The following ABCA13 variants were observed in gnomAD, a reference collection of about 807,000 sequenced individuals.
ABCA13 encodes the protein ATP-binding cassette sub-family A member 13.
A neutral mutation model predicts 478.7 loss-of-function variants in ABCA13; 476 were observed. The ratio of observed to expected loss-of-function variants is 0.99; its 90% CI spans 0.92 to 1.07. The LOEUF is 1.07. ABCA13 is among the 50% of genes least tolerant of loss of function. The pLI, the probability that ABCA13 is intolerant of heterozygous loss-of-function variation, is 0.00. For missense variants in ABCA13, 6,060 were observed against 5,910.6 expected, an observed-to-expected ratio of 1.03 and a Z score of -0.83; for synonymous variants, 2,252 against 2,158.9, an observed-to-expected ratio of 1.04 and a Z score of -1.20.
At chr7:48,266,304 C>G (rs1584512428) in intron 15 of ABCA13, among the ~76,000 whole-genome samples, 1 of 151,518 alleles carries the variant, frequency 6.6e-6, no homozygotes, top group East Asian at 1.9e-4. Flanking sequence ...GAAGTATTCT[C>G]TTATTTTCAA....
intron 42 of ABCA13, among the ~76,000 whole-genome samples, chr7:48,452,861 A>C (rs1001318366): frequency 6.6e-6 from 1 of 152,244 alleles, no homozygotes; most frequent in Non-Finnish European, 1.5e-5. Context: ...ATGGGCACCC[A>C]AAAACATCCC....
At chr7:48,271,299 T>C (rs1029583355) in intron 16 of ABCA13, among the ~76,000 whole-genome samples, 1 of 152,176 alleles carries the variant, frequency 6.6e-6, no homozygotes, top group Non-Finnish European at 1.5e-5. Context: ...TATATAATAA[T>C]GAGTTTCTGA....
At chr7:48,304,673 G>A (rs1800643916) in intron 23 of ABCA13, among the ~76,000 whole-genome samples, 2 of 152,136 alleles carry the variant, frequency 1.3e-5, no homozygotes, top group Non-Finnish European at 2.9e-5. Context: ...TGGGCACTAT[G>A]CTCACTACCT....
At chr7:48,461,160 A>G (rs997709043) in intron 43 of ABCA13, among the ~76,000 whole-genome samples, 2 of 152,160 alleles carry the variant, frequency 1.3e-5, no homozygotes, top group Non-Finnish European at 2.9e-5. Flanking sequence ...CTAATATATC[A>G]TCTGTGCTTT....
At chr7:48,572,535 A>T (rs1357612081) in intron 55 of ABCA13, among the ~76,000 whole-genome samples, 2 of 152,138 alleles carry the variant, frequency 1.3e-5, no homozygotes, top group African/African-American at 4.8e-5. Context: ...CTCTTAGTAT[A>T]TTATGTGACA....
rs1261317756 is a variant in ABCA13 at position 48,411,035 on chromosome 7, CTTTCTTTCTTTCTT to C, written c.12228+374_12228+387del. On this transcript the variant is annotated intron_variant, in intron 40 of 61. Coordinates refer to ENST00000435803, the MANE Select transcript of ABCA13 (RefSeq NM_152701.5). ...TCTTTCTTTCTTTCTTTCTTTCTTT[CTTTCTTTCTTTCTT>C]TTTCTTTCTTTCTTTCTTTCTTTTT... 1.2e-3 allele frequency among the ~76,000 whole-genome samples: 133 copies of C among 109,560 alleles called. 4 individuals carry two copies. The highest frequency in any genetic ancestry group is 3.7e-3 in the African/African-American group (105 of 28,650). 71.9% of individuals were successfully genotyped at this position (109,560 alleles called of 152,430 possible).
Position 48,645,748 on chromosome 7 carries a change from C to G in ABCA13, c.*236C>G. ...CCTCCAAAACATTTGTTCTCTTTACCATGCCAGATGGACACCAGCTTCTTT... is the reference window on the plus strand; with the variant it reads ...CCTCCAAAACATTTGTTCTCTTTACGATGCCAGATGGACACCAGCTTCTTT... On this transcript the variant is annotated 3_prime_UTR_variant, in exon 62 of 62. Transcript: ENST00000435803. The G allele has an allele frequency of 2.3e-6, 1 of 444,154 alleles. No homozygotes were observed. The highest frequency in any genetic ancestry group is 4.0e-6 in the Non-Finnish European group (1 of 247,780). 27.5% of individuals were successfully genotyped at this position (444,154 alleles called of 1,614,324 possible).
chr7:48,469,695 C>T (rs779990584), intron 44 of ABCA13, among the ~76,000 whole-genome samples: 41 of 152,002 alleles, frequency 2.7e-4, no homozygotes, highest in Non-Finnish European at 4.6e-4. Flanking sequence ...CCGAGGTGGG[C>T]GGATCACGAG....
chr7:48,527,627 C>T (rs1463781218), intron 54 of ABCA13, among the ~76,000 whole-genome samples: 4 of 152,154 alleles, frequency 2.6e-5, no homozygotes, highest in Non-Finnish European at 4.4e-5. Flanking sequence ...TGACTCTATG[C>T]TCAATGTCAG....
rs557472241 is a variant in ABCA13, at chr7:48,637,847, G to A, written c.14838-5441G>A. The stretch of plus-strand genomic sequence containing the variant: ...GAAATATTGTTTTCATTACACCAAA[G>A]TCTGACAAGGAATTTAATTCACTCA... On this transcript the variant is annotated intron_variant, in intron 59 of 61. Coordinates refer to ENST00000435803, the MANE Select transcript of ABCA13 (RefSeq NM_152701.5). Among the ~76,000 whole-genome samples the A allele has an allele frequency of 1.4e-4, 21 of 152,290 alleles. No homozygotes were observed. In the South Asian group the frequency reaches 4.1e-3, roughly 30 times the overall value.
chr7:48,522,166 A>G (rs761267475), intron 53 of ABCA13, among the ~76,000 whole-genome samples: 2 of 152,166 alleles, frequency 1.3e-5, no homozygotes, highest in African/African-American at 2.4e-5. Context: ...TCATAATTGA[A>G]TCTTGCAAGA....
chr7:48,302,120 G>A (rs555000223), intron 23 of ABCA13, among the ~76,000 whole-genome samples: 6 of 152,124 alleles, frequency 3.9e-5, no homozygotes, highest in Non-Finnish European at 1.5e-5. Context: ...TCAAACCCAC[G>A]TCTTTGAACT....
chr7:48,280,036 T>C (rs1166432731), intron 18 of ABCA13, 116 bp downstream of exon 18: 33 of 1,141,640 alleles, frequency 2.9e-5, no homozygotes, highest in Non-Finnish European at 3.7e-5. Flanking sequence ...TTCAACTTTG[T>C]TTACACTCTG....
chr7:48,376,442 G>A lies in ABCA13; in HGVS notation c.11205G>A (p.Gly3735=). The change falls in exon 35 of 62, where the codon GGG becomes GGA. Residue 3735 remains glycine, a splice_region_variant and synonymous_variant. Transcript: ENST00000435803. The stretch of plus-strand genomic sequence containing the variant: ...CTCTGACCTTTTTCTTCCTGCTAGG[G>A]ATTCAATGGAATAATATGTACCAGG... The part of the protein sequence containing the change: ...FITFLEGQET[G]IQWNNMYQAL... The A allele has an allele frequency of 2.5e-6, 4 of 1,613,074 alleles. No individual in the cohort carries two copies. The highest frequency in any genetic ancestry group is 3.4e-6 in the Non-Finnish European group (4 of 1,179,604).
intron 58 of ABCA13, among the ~76,000 whole-genome samples, chr7:48,612,643 G>A (rs1365986865): frequency 6.6e-6 from 1 of 152,130 alleles, no homozygotes; most frequent in Non-Finnish European, 1.5e-5. Flanking sequence ...TTAAATGAGT[G>A]ATATATTCTC....
chr7:48,515,085 G>T (rs1174093551), intron 51 of ABCA13, among the ~76,000 whole-genome samples: 1 of 152,084 alleles, frequency 6.6e-6, no homozygotes. Context: ...TGAGGGCCTG[G>T]CATCTCTTAT....
At chr7:48,604,115 T>C (rs1173787443) in intron 58 of ABCA13, among the ~76,000 whole-genome samples, 1 of 152,166 alleles carries the variant, frequency 6.6e-6, no homozygotes, top group African/African-American at 2.4e-5. Context: ...ATTTGATTCT[T>C]CTCTCTTTTC....
At chr7:48,407,345 G>A (rs1440886399) in intron 39 of ABCA13, among the ~76,000 whole-genome samples, 1 of 151,702 alleles carries the variant, frequency 6.6e-6, no homozygotes, top group African/African-American at 2.4e-5. Flanking sequence ...GTGTGGTGGT[G>A]CATGCCTGTA....
intron 43 of ABCA13, among the ~76,000 whole-genome samples, chr7:48,462,453 CT>C (rs569184056): frequency 3.8e-4 from 57 of 151,892 alleles, no homozygotes; most frequent in Admixed American, 1.7e-3. Flanking sequence ...TCCCCCCCCC[CT>C]ACTGTTTCCT....
Sources: gnomAD v4.1 joint callset for allele counts (sites outside exome capture counted in the v4.1 genomes callset) on GRCh38, gnomAD v4.1.1 for gene constraint, MANE v1.5 for transcripts, NCBI Gene and HGNC (gene_info 2026-07-23, HGNC 2026-07-21) for gene names.